The following FGF12 variants were observed in gnomAD, a reference collection of about 807,000 sequenced individuals.
The protein encoded by FGF12 is fibroblast growth factor 12B.
Under a neutral mutation model 23.6 loss-of-function variants are expected in FGF12, and 14 were observed. That is an observed-to-expected ratio of 0.59 (90% confidence interval 0.39 to 0.93). The LOEUF is 0.93. FGF12 is among the 40% of genes least tolerant of loss of function. The pLI, the probability that FGF12 is intolerant of heterozygous loss-of-function variation, is 0.00. For synonymous variants in FGF12, 62 were observed against 77.3 expected, an observed-to-expected ratio of 0.80 and a Z score of 1.04; for missense variants, 175 against 217.8, an observed-to-expected ratio of 0.80 and a Z score of 1.24.
At chr3:192,414,653 T>A (rs1242149223) in intron 2 of FGF12, among the ~76,000 whole-genome samples, 1 of 152,194 alleles carries the variant, frequency 6.6e-6, no homozygotes, top group South Asian at 2.1e-4. Context: ...AGTAATGTGA[T>A]CGCCCAAGGT....
intron 3 of FGF12, among the ~76,000 whole-genome samples, chr3:192,352,795 G>A (rs575876107): frequency 2.0e-5 from 3 of 152,012 alleles, no homozygotes; most frequent in African/African-American, 4.8e-5. Context: ...AACAGAGAGG[G>A]GTTAAATAAC....
At position 192,424,696 on chromosome 3, in the gene FGF12, C is replaced by T. The variant is rs114784631; in HGVS notation, c.14-64158G>A. ...TCCTGAATATATATAATTTGAATCA[C>T]ATGCCACAGGAGGAGAGTCTATAAA... On this transcript the variant is annotated intron_variant, in intron 2 of 5. Transcript: ENST00000445105. Among the ~76,000 whole-genome samples the T allele has an allele frequency of 9.3e-3, 1,412 of 152,224 alleles. 26 individuals carry two copies. Among genetic ancestry groups the T allele is most frequent in the African/African-American group, 0.032 (1,343 of 41,532 alleles).
intron 2 of FGF12, among the ~76,000 whole-genome samples, chr3:192,471,941 T>G (rs569072062): frequency 6.6e-6 from 1 of 152,330 alleles, no homozygotes; most frequent in Non-Finnish European, 1.5e-5. Context: ...GGGAAGAGTA[T>G]GTTATCAAGT....
chr3:192,275,837 T>C (rs1031140922), intron 4 of FGF12, among the ~76,000 whole-genome samples: 3 of 152,180 alleles, frequency 2.0e-5, no homozygotes, highest in Non-Finnish European at 2.9e-5. Flanking sequence ...AATTACGAGA[T>C]TGGCTTGACC....
chr3:192,600,494 A>G (rs1328064181), intron 2 of FGF12, among the ~76,000 whole-genome samples: 1 of 152,146 alleles, frequency 6.6e-6, no homozygotes, highest in African/African-American at 2.4e-5. Context: ...TAAATAACCA[A>G]CAAAGTGAAA....
chr3:192,145,756 G>A (rs1713660730), intron 5 of FGF12, among the ~76,000 whole-genome samples: 1 of 152,160 alleles, frequency 6.6e-6, no homozygotes, highest in African/African-American at 2.4e-5. Context: ...GTATACAGAG[G>A]AAACCAGCTC....
chr3:192,698,484 A>G (rs1718193664), intron 2 of FGF12, among the ~76,000 whole-genome samples: 1 of 152,156 alleles, frequency 6.6e-6, no homozygotes, highest in Non-Finnish European at 1.5e-5. Flanking sequence ...AAAAATAAGA[A>G]TAGCAATGGC....
intron 2 of FGF12, among the ~76,000 whole-genome samples, chr3:192,466,565 A>G (rs565417573): frequency 7.9e-5 from 12 of 152,336 alleles, no homozygotes; most frequent in African/African-American, 2.9e-4. Context: ...TATCATTAAC[A>G]AATTTCTTTG....
At chr3:192,652,851 T>A (rs541306131) in intron 2 of FGF12, among the ~76,000 whole-genome samples, 3 of 152,276 alleles carry the variant, frequency 2.0e-5, no homozygotes, top group African/African-American at 7.2e-5. Flanking sequence ...CAGGCTAACT[T>A]TGTATGCTCA....
chr3:192,668,844 G>A (rs146731704), intron 2 of FGF12, among the ~76,000 whole-genome samples: 2 of 152,216 alleles, frequency 1.3e-5, no homozygotes, highest in Admixed American at 6.5e-5. Context: ...CCATATCCAC[G>A]AAATAGAGAA....
chr3:192,293,397 G>T (rs921891517), intron 4 of FGF12, among the ~76,000 whole-genome samples: 3 of 152,138 alleles, frequency 2.0e-5, no homozygotes, highest in Non-Finnish European at 4.4e-5. Flanking sequence ...TGCTAAATTT[G>T]AACCTCATTC....
At chr3:192,508,192 C>T (rs1027182282) in intron 2 of FGF12, among the ~76,000 whole-genome samples, 23 of 151,992 alleles carry the variant, frequency 1.5e-4, no homozygotes, top group Non-Finnish European at 1.8e-4. Context: ...GGGGGTAGGT[C>T]GGTACTAGAA....
intron 5 of FGF12, among the ~76,000 whole-genome samples, chr3:192,151,241 A>T (rs1316846179): frequency 1.7e-5 from 2 of 118,466 alleles, no homozygotes; most frequent in Non-Finnish European, 3.7e-5. Flanking sequence ...TTTTCTAGAC[A>T]TACAATCATG....
chr3:192,190,561 C>T (rs1282710175), intron 4 of FGF12, among the ~76,000 whole-genome samples: 5 of 146,514 alleles, frequency 3.4e-5, no homozygotes, highest in South Asian at 4.6e-4. Context: ...CTGCAAACTC[C>T]GCCTCCCGGG....
intron 2 of FGF12, among the ~76,000 whole-genome samples, chr3:192,674,127 T>A (rs1202275009): frequency 6.6e-6 from 1 of 151,124 alleles, no homozygotes; most frequent in East Asian, 1.9e-4. Context: ...TTGTGCCCTA[T>A]CTCATGTAAT....
At chr3:192,227,847 T>C (rs1036769323) in intron 4 of FGF12, among the ~76,000 whole-genome samples, 1 of 152,162 alleles carries the variant, frequency 6.6e-6, no homozygotes, top group East Asian at 1.9e-4. Flanking sequence ...TTGACAAGCA[T>C]TGAAAGAGAA....
rs150237865 is a variant in FGF12 at position 192,702,679 on chromosome 3, C to A, written c.13+24502G>T. 4.3e-3 allele frequency among the ~76,000 whole-genome samples: 656 copies of A among 152,176 alleles called. 2 individuals carry two copies. The highest frequency in any genetic ancestry group is 0.014 in the African/African-American group (589 of 41,502). On this transcript the variant is annotated intron_variant, in intron 2 of 5. Transcript: ENST00000445105. ...TGGTGGCATGCACCTGTGGTCCTAG[C>A]TACTCGGGAGGCTGAGGTGGCAGGA...
At chr3:192,663,613 C>A (rs1716749554) in intron 2 of FGF12, among the ~76,000 whole-genome samples, 1 of 152,170 alleles carries the variant, frequency 6.6e-6, no homozygotes, top group Admixed American at 6.5e-5. Flanking sequence ...AGGGGGCTCT[C>A]ATGTCAGAGA....
At chr3:192,412,949 T>A (rs1560104168) in intron 2 of FGF12, among the ~76,000 whole-genome samples, 1 of 152,350 alleles carries the variant, frequency 6.6e-6, no homozygotes, top group East Asian at 1.9e-4. Context: ...CTTAAGAATT[T>A]CTTATTCCTA....
Sources: gnomAD v4.1 joint callset for allele counts (sites outside exome capture counted in the v4.1 genomes callset) on GRCh38, gnomAD v4.1.1 for gene constraint, MANE v1.5 for transcripts, NCBI Gene and HGNC (gene_info 2026-07-23, HGNC 2026-07-21) for gene names.